E2F3: variants seen among roughly 807,000 people sequenced by gnomAD.
E2F3 encodes E2F transcription factor 3.
E2F3 carries 11 observed loss-of-function variants against 44.4 expected under a neutral mutation model. The observed-to-expected ratio is 0.25, with a 90% confidence interval of 0.16 to 0.41. The LOEUF is 0.41. E2F3 is among the 10% of genes least tolerant of loss of function. E2F3 has a pLI of 1.00. For synonymous variants in E2F3, 249 were observed against 253.0 expected (o/e 0.98, Z 0.15); for missense variants, 487 against 583.6 (o/e 0.83, Z 1.70).
intron 1 of E2F3, among the ~76,000 whole-genome samples, chr6:20,449,946 C>G (rs924547662): frequency 1.1e-4 from 17 of 151,834 alleles, no homozygotes; most frequent in Admixed American, 1.0e-3. Flanking sequence ...GCAAAGAACA[C>G]AGTCTCATTA....
rs115637937 is a variant in E2F3, at chr6:20,453,649, C to T, written c.394-26197C>T. Among the ~76,000 whole-genome samples, 889 of 152,168 alleles carry T rather than the reference C, an allele frequency of 5.8e-3. 6 individuals are homozygous for T. Among genetic ancestry groups the T allele is most frequent in the African/African-American group, 0.019 (779 of 41,504 alleles). ...CTGGTCTCTAACTCCTGGGCTCGGG[C>T]GATCCTACCTCCGCCTCCCAAAGTG... On this transcript the variant is annotated intron_variant, in intron 1 of 6. Transcript: ENST00000346618.
chr6:20,466,656 T>C (rs1255796087), intron 1 of E2F3, among the ~76,000 whole-genome samples: 1 of 151,664 alleles, frequency 6.6e-6, no homozygotes, highest in African/African-American at 2.4e-5. Context: ...CTCTTTGTTT[T>C]TCCTCTGTTT....
At chr6:20,489,795 C>G (rs550711950) in intron 6 of E2F3, among the ~76,000 whole-genome samples, 1 of 151,444 alleles carries the variant, frequency 6.6e-6, no homozygotes, top group Non-Finnish European at 1.5e-5. Context: ...GGCAACATGG[C>G]AAAACCCTGT....
Position 20,402,685 on chromosome 6 carries a change from G to T in E2F3, c.393+60G>T, listed in dbSNP as rs1446826623. ...GCGGGAGGTGGGCTCGCACCGCGCG[G>T]GGTCGTGGGCGCGCTGCGGGCCGCT... is the stretch of plus-strand genomic sequence containing the variant. On this transcript the variant is annotated intron_variant, in intron 1 of 6. Transcript: ENST00000346618. The surrounding 1 kb of genome is among the most constrained non-coding windows in gnomAD (Gnocchi z 5.6). 2.2e-5 allele frequency: 28 copies of T among 1,283,100 alleles called. No homozygotes were observed. The highest frequency in any genetic ancestry group is 2.6e-5 in the Non-Finnish European group (27 of 1,018,884). The allele number at this position is 1,283,100 out of a possible 1,614,324, so 79.5% of individuals were successfully genotyped here.
At chr6:20,465,920 A>AT (rs889831322) in intron 1 of E2F3, among the ~76,000 whole-genome samples, 2 of 151,918 alleles carry the variant, frequency 1.3e-5, no homozygotes, top group African/African-American at 2.4e-5. Flanking sequence ...GTGTGCAAAT[A>AT]TTTTTTTTGA....
chr6:20,479,776 C>T (rs1762161009), intron 1 of E2F3, 70 bp from the exon 2 acceptor site: 2 of 1,392,026 alleles, frequency 1.4e-6, no homozygotes, highest in South Asian at 1.2e-5. Context: ...GCAGGCCAGC[C>T]CACAAACTGC....
rs1761858941 is a variant in E2F3 at position 20,470,630 on chromosome 6, AAAT to A, written c.394-9214_394-9212del. On this transcript the variant is annotated intron_variant, in intron 1 of 6. Coordinates refer to ENST00000346618, the MANE Select transcript of E2F3 (RefSeq NM_001949.5). ...TTCATTTTCCTTCTTCCTTTGTTCA[AAAT>A]ACCTGTCTCGTCTTTGGTTTTGAGA... Among the ~76,000 whole-genome samples, 3 of 152,220 alleles carry A rather than the reference AAAT, an allele frequency of 2.0e-5. No individual in the cohort carries two copies. The East Asian group carries it at 5.8e-4, about 29-fold the overall frequency.
intron 1 of E2F3, among the ~76,000 whole-genome samples, chr6:20,477,794 T>C (rs538993748): frequency 1.3e-5 from 2 of 152,188 alleles, no homozygotes; most frequent in Non-Finnish European, 2.9e-5. Flanking sequence ...ATAAAATTCA[T>C]CCTCGTTATC....
At chr6:20,433,733 CAT>C (rs148849497) in intron 1 of E2F3, among the ~76,000 whole-genome samples, 14 of 151,328 alleles carry the variant, frequency 9.3e-5, no homozygotes, top group African/African-American at 3.1e-4. Context: ...TTTGTAATCC[CAT>C]ATATATATAT....
At chr6:20,428,451 G>C (rs1183574498) in intron 1 of E2F3, among the ~76,000 whole-genome samples, 1 of 152,124 alleles carries the variant, frequency 6.6e-6, no homozygotes, top group Non-Finnish European at 1.5e-5. Context: ...TCGAACTCTT[G>C]ACCTCAAGTG....
chr6:20,443,803 A>G (rs1378948676), intron 1 of E2F3, among the ~76,000 whole-genome samples: 2 of 152,196 alleles, frequency 1.3e-5, no homozygotes, highest in African/African-American at 4.8e-5. Flanking sequence ...AAATTATTTG[A>G]GAGTTAATTG....
intron 1 of E2F3, chr6:20,403,887 G>C: frequency 8.6e-7 from 1 of 1,157,558 alleles, no homozygotes; most frequent in Non-Finnish European, 1.2e-6. Context: ...ACCGGATTCT[G>C]TTGGGGGCTG....
chr6:20,462,962 C>G (rs1023537452), intron 1 of E2F3, among the ~76,000 whole-genome samples: 1 of 145,898 alleles, frequency 6.9e-6, no homozygotes, highest in African/African-American at 2.7e-5. Context: ...ATCCTTCCAC[C>G]TCAGCCCCCA....
At chr6:20,419,078 C>A (rs1039229558) in intron 1 of E2F3, among the ~76,000 whole-genome samples, 1 of 152,078 alleles carries the variant, frequency 6.6e-6, no homozygotes, top group Non-Finnish European at 1.5e-5. Context: ...AAGTGCACAT[C>A]GTGGCTTGCC....
chr6:20,460,031 T>A (rs780817155), intron 1 of E2F3, among the ~76,000 whole-genome samples: 1 of 152,196 alleles, frequency 6.6e-6, no homozygotes, highest in Non-Finnish European at 1.5e-5. Context: ...GGGGTTCCCA[T>A]TGCTCACTTC....
At chr6:20,479,206 T>A (rs562148935) in intron 1 of E2F3, among the ~76,000 whole-genome samples, 1 of 152,350 alleles carries the variant, frequency 6.6e-6, no homozygotes, top group Non-Finnish European at 1.5e-5. Flanking sequence ...AGTCTGTGAC[T>A]AGTTGTGTTA....
At chr6:20,449,687 G>GA (rs1761062717) in intron 1 of E2F3, among the ~76,000 whole-genome samples, 1 of 152,146 alleles carries the variant, frequency 6.6e-6, no homozygotes, top group Non-Finnish European at 1.5e-5. Context: ...CTCGTGTCAT[G>GA]AAGGTTTGTT....
intron 5 of E2F3, among the ~76,000 whole-genome samples, chr6:20,487,025 G>A (rs1417422908): frequency 6.6e-6 from 1 of 152,220 alleles, no homozygotes; most frequent in African/African-American, 2.4e-5. Flanking sequence ...TCAGTTCAAA[G>A]TGGTATATGA....
At chr6:20,459,183 T>G (rs1022060270) in intron 1 of E2F3, among the ~76,000 whole-genome samples, 2 of 151,824 alleles carry the variant, frequency 1.3e-5, no homozygotes, top group Non-Finnish European at 2.9e-5. Context: ...GAGGCAGGAG[T>G]CTCACTTGAA....
Sources: gnomAD v4.1 joint callset for allele counts (sites outside exome capture counted in the v4.1 genomes callset) on GRCh38, gnomAD v4.1.1 for gene constraint, Gnocchi (gnomAD v3.1) non-coding constraint, MANE v1.5 for transcripts, NCBI Gene and HGNC (gene_info 2026-07-23, HGNC 2026-07-21) for gene names.